The following KIRREL3 variants were observed in gnomAD, a reference collection of about 807,000 sequenced individuals.
KIRREL3 encodes the protein kirre like nephrin family adhesion molecule 3.
In KIRREL3, 36 loss-of-function variants were observed where a neutral mutation model predicts 89.7. That is an observed-to-expected ratio of 0.40 (90% confidence interval 0.31 to 0.53). The LOEUF is 0.53. Ranked by LOEUF, KIRREL3 falls within the 20% of genes least tolerant of loss-of-function variation. The pLI is 0.49. For missense variants in KIRREL3, 864 were observed against 1,056.6 expected (o/e 0.82, Z 2.53); for synonymous variants, 445 against 441.4 (o/e 1.01, Z -0.10).
intron 1 of KIRREL3, among the ~76,000 whole-genome samples, chr11:126,760,376 C>A (rs1949632403): frequency 6.6e-6 from 1 of 152,256 alleles, no homozygotes; most frequent in Non-Finnish European, 1.5e-5. Context: ...TAACTGCTCT[C>A]TCACTTCAGA....
At chr11:126,589,207 A>T (rs1465638584) in intron 1 of KIRREL3, among the ~76,000 whole-genome samples, 1 of 152,226 alleles carries the variant, frequency 6.6e-6, no homozygotes, top group African/African-American at 2.4e-5. Flanking sequence ...GAGAACAGGG[A>T]CAACAAATAA....
At chr11:126,577,583 CTAAAAATACAAAAAAA>C (rs975408113) in intron 1 of KIRREL3, among the ~76,000 whole-genome samples, 4 of 68,396 alleles carry the variant, frequency 5.8e-5, no homozygotes, top group African/African-American at 2.0e-4. Flanking sequence ...CCTGTCTCTA[CTAAAAATACAAAAAAA>C]AAAAAAAAAA....
chr11:126,501,886 A>G lies in KIRREL3; in HGVS notation c.433+19429T>C, dbSNP rs553244393. 3.9e-5 allele frequency among the ~76,000 whole-genome samples: 6 copies of G among 152,268 alleles called. No individual in the cohort carries two copies. In the East Asian group the frequency reaches 1.2e-3, roughly 29 times the overall value. ...TGGAAAACATCGATACCAGTGACTT[A>G]CATGCACCCAGGTGCCAAGGTAAGC... is the stretch of plus-strand genomic sequence containing the variant. On this transcript the variant is annotated intron_variant, in intron 4 of 16. Transcript: ENST00000525144. This position sits in a 1 kb window ranked among gnomAD's most constrained non-coding sequence, Gnocchi z 5.8.
Position 126,754,017 on chromosome 11 carries a change from A to T in KIRREL3, c.56-191105T>A, listed in dbSNP as rs188481743. The stretch of plus-strand genomic sequence containing the variant: ...GGAATAGCCTACTTTGTCACTATTT[A>T]TCATTCTTAGTTAACAATGTAAGAT... On this transcript the variant is annotated intron_variant, in intron 1 of 16. Transcript: ENST00000525144. This position sits in a 1 kb window ranked among gnomAD's most constrained non-coding sequence, Gnocchi z 5.1. Among the ~76,000 whole-genome samples, 176 of 152,318 alleles carry T rather than the reference A, an allele frequency of 1.2e-3. No homozygotes were observed. The highest frequency in any genetic ancestry group is 2.0e-3 in the Non-Finnish European group (137 of 68,032).
chr11:126,976,406 T>C lies in KIRREL3; in HGVS notation c.55+24049A>G, dbSNP rs1168360125. On this transcript the variant is annotated intron_variant, in intron 1 of 16. Transcript: ENST00000525144. The surrounding 1 kb of genome is among the most constrained non-coding windows in gnomAD (Gnocchi z 4.2). ...GTGTTTATGAACCGTTACATTAATC[T>C]CCTGCAGATTTTTTTCTGGAGATTT... 6.6e-6 allele frequency among the ~76,000 whole-genome samples: 1 copy of C among 152,224 alleles called. No homozygotes were observed.
At position 126,994,064 on chromosome 11, in the gene KIRREL3, A is replaced by G. The variant is rs987175896; in HGVS notation, c.55+6391T>C. Among the ~76,000 whole-genome samples, 1 of 151,612 alleles carries G rather than the reference A, an allele frequency of 6.6e-6. No individual in the cohort carries two copies. The highest frequency in any genetic ancestry group is 1.5e-5 in the Non-Finnish European group (1 of 67,966). ...TAGTTTCAATTATCAAAAAAAAAAA[A>G]TCAGCCTCAGATAAATCTACTTTGC... On this transcript the variant is annotated intron_variant, in intron 1 of 16. Coordinates refer to ENST00000525144, the MANE Select transcript of KIRREL3 (RefSeq NM_032531.4). This position sits in a 1 kb window ranked among gnomAD's most constrained non-coding sequence, Gnocchi z 5.2.
chr11:126,490,041 G>A lies in KIRREL3; in HGVS notation c.434-16575C>T, dbSNP rs1486728932. On this transcript the variant is annotated intron_variant, in intron 4 of 16. Coordinates refer to ENST00000525144, the MANE Select transcript of KIRREL3 (RefSeq NM_032531.4). This position sits in a 1 kb window ranked among gnomAD's most constrained non-coding sequence, Gnocchi z 4.2. ...TGAGCTGCTTCGAGGAGTGAACGGGGTGAGGTGTCCAGTGTTGCTTTGAAG... is the reference window on the plus strand; with the variant it reads ...TGAGCTGCTTCGAGGAGTGAACGGGATGAGGTGTCCAGTGTTGCTTTGAAG... 6.6e-6 allele frequency among the ~76,000 whole-genome samples: 1 copy of A among 152,140 alleles called. No homozygotes were observed. The highest frequency in any genetic ancestry group is 1.5e-5 in the Non-Finnish European group (1 of 68,032).
intron 1 of KIRREL3, among the ~76,000 whole-genome samples, chr11:126,591,085 G>T (rs1942110718): frequency 6.6e-6 from 1 of 152,166 alleles, no homozygotes; most frequent in South Asian, 2.1e-4. Flanking sequence ...AATTAGCTGG[G>T]CACGGTGGTG....
rs1473943095 is a variant in KIRREL3 at position 126,676,785 on chromosome 11, T to A, written c.56-113873A>T. On this transcript the variant is annotated intron_variant, in intron 1 of 16. Transcript: ENST00000525144. This position sits in a 1 kb window ranked among gnomAD's most constrained non-coding sequence, Gnocchi z 4.5. ...ACTTTTTATTTTTCTTTAGAGCTGA[T>A]TTTTTTTTTTTCCTTTTGAGACAGA... Among the ~76,000 whole-genome samples the A allele has an allele frequency of 7.3e-6, 1 of 137,902 alleles. No homozygotes were observed. The highest frequency in any genetic ancestry group is 1.6e-5 in the Non-Finnish European group (1 of 64,064). The allele number at this position is 137,902 out of a possible 152,430, so 90.5% of individuals were successfully genotyped here.
rs1943534563 is a variant in KIRREL3, at chr11:126,620,525, C to T, written c.56-57613G>A. 6.6e-6 allele frequency among the ~76,000 whole-genome samples: 1 copy of T among 152,160 alleles called. No individual in the cohort carries two copies. Among genetic ancestry groups the T allele is most frequent in the South Asian group, 2.1e-4 (1 of 4,826 alleles). Reference sequence around the variant, plus strand: ...ACCACACACCATTGTCTATGGGGTGCCTGTGCATGTGTGTTGTGTATGCAT... The same window carrying T: ...ACCACACACCATTGTCTATGGGGTGTCTGTGCATGTGTGTTGTGTATGCAT... On this transcript the variant is annotated intron_variant, in intron 1 of 16. Coordinates refer to ENST00000525144, the MANE Select transcript of KIRREL3 (RefSeq NM_032531.4). The surrounding 1 kb of genome is among the most constrained non-coding windows in gnomAD (Gnocchi z 4.8).
chr11:126,912,598 G>T lies in KIRREL3; in HGVS notation c.55+87857C>A, dbSNP rs1214190770. Among the ~76,000 whole-genome samples the T allele has an allele frequency of 1.3e-5, 2 of 152,322 alleles. No individual in the cohort carries two copies. Among genetic ancestry groups the T allele is most frequent in the Non-Finnish European group, 2.9e-5 (2 of 68,034 alleles). ...ATCTATTCATCTGGAATACGATCCTGATGAACAGGAGAAGGGAGAAGAACT... is the reference window on the plus strand; with the variant it reads ...ATCTATTCATCTGGAATACGATCCTTATGAACAGGAGAAGGGAGAAGAACT... On this transcript the variant is annotated intron_variant, in intron 1 of 16. Coordinates refer to ENST00000525144, the MANE Select transcript of KIRREL3 (RefSeq NM_032531.4). The surrounding 1 kb of genome is among the most constrained non-coding windows in gnomAD (Gnocchi z 4.7).
At position 126,569,538 on chromosome 11, in the gene KIRREL3, C is replaced by G. The variant is rs1233801044; in HGVS notation, c.56-6626G>C. On this transcript the variant is annotated intron_variant, in intron 1 of 16. Coordinates refer to ENST00000525144, the MANE Select transcript of KIRREL3 (RefSeq NM_032531.4). The surrounding 1 kb of genome is among the most constrained non-coding windows in gnomAD (Gnocchi z 6.5). ...GCAAGAGAAAAAAATAGTAGGCAAA[C>G]TTCCTAGCCCAAAGATACTATAATC... Among the ~76,000 whole-genome samples, 2 of 152,198 alleles carry G rather than the reference C, an allele frequency of 1.3e-5. No individual in the cohort carries two copies. The highest frequency in any genetic ancestry group is 4.8e-5 in the African/African-American group (2 of 41,446).
At chr11:126,861,012 T>C (rs1248071018) in intron 1 of KIRREL3, among the ~76,000 whole-genome samples, 1 of 152,208 alleles carries the variant, frequency 6.6e-6, no homozygotes, top group Non-Finnish European at 1.5e-5. Flanking sequence ...CCTTTCTCTC[T>C]GGGTTCTCTA....
intron 1 of KIRREL3, among the ~76,000 whole-genome samples, chr11:126,933,771 C>A (rs1289822023): frequency 1.7e-5 from 1 of 57,338 alleles, no homozygotes; most frequent in Non-Finnish European, 3.1e-5. Context: ...ACAATTCCCA[C>A]CAAAAAGGAA....
intron 4 of KIRREL3, among the ~76,000 whole-genome samples, chr11:126,493,951 GGTGA>G (rs1214478947): frequency 7.9e-5 from 12 of 152,212 alleles, no homozygotes; most frequent in African/African-American, 2.7e-4. Context: ...TTAGTGGGGA[GGTGA>G]GTGAGGCTCT....
At chr11:126,447,127 T>C (rs1224584863) in intron 8 of KIRREL3, among the ~76,000 whole-genome samples, 2 of 151,964 alleles carry the variant, frequency 1.3e-5, no homozygotes, top group African/African-American at 2.4e-5. Flanking sequence ...CTTGGGCCCA[T>C]GGAGGTGGTC....
At chr11:126,542,895 G>A (rs1353052518) in intron 2 of KIRREL3, among the ~76,000 whole-genome samples, 1 of 152,090 alleles carries the variant, frequency 6.6e-6, no homozygotes, top group African/African-American at 2.4e-5. Flanking sequence ...CACTGCCCTG[G>A]GATTGTGGGC....
At chr11:126,942,635 T>C (rs531895290) in intron 1 of KIRREL3, among the ~76,000 whole-genome samples, 17 of 152,322 alleles carry the variant, frequency 1.1e-4, no homozygotes, top group Non-Finnish European at 2.1e-4. Context: ...TCATGTGGCA[T>C]GTGCTGGATG....
Position 126,948,783 on chromosome 11 carries a change from A to G in KIRREL3, c.55+51672T>C, listed in dbSNP as rs1206713999. 6.6e-6 allele frequency among the ~76,000 whole-genome samples: 1 copy of G among 152,184 alleles called. No homozygotes were observed. The highest frequency in any genetic ancestry group is 2.4e-5 in the African/African-American group (1 of 41,450). On this transcript the variant is annotated intron_variant, in intron 1 of 16. Coordinates refer to ENST00000525144, the MANE Select transcript of KIRREL3 (RefSeq NM_032531.4). The surrounding 1 kb of genome is among the most constrained non-coding windows in gnomAD (Gnocchi z 4.5). ...GGTTAGTTCAACTCCAGCAAGGCAG[A>G]CAGCTGGATATGGGGAGGAGTTCAG...
Sources: gnomAD v4.1 joint callset for allele counts (sites outside exome capture counted in the v4.1 genomes callset) on GRCh38, gnomAD v4.1.1 for gene constraint, Gnocchi (gnomAD v3.1) non-coding constraint, MANE v1.5 for transcripts, NCBI Gene and HGNC (gene_info 2026-07-23, HGNC 2026-07-21) for gene names.